MAP4K3: variants seen among roughly 807,000 people sequenced by gnomAD.
MAP4K3 encodes MAPK/ERK kinase kinase kinase 3.
Under a neutral mutation model 143.5 loss-of-function variants are expected in MAP4K3, and 94 were observed. That is an observed-to-expected ratio of 0.65 (90% confidence interval 0.55 to 0.78). The LOEUF (loss-of-function observed/expected upper bound fraction) is 0.78, where lower values mean the gene tolerates loss of function less well. Ranked by LOEUF, MAP4K3 falls within the 30% of genes least tolerant of loss-of-function variation. The pLI is 0.00. For missense variants in MAP4K3, 1,077 were observed against 1,068.1 expected (o/e 1.01, Z -0.12); for synonymous variants, 416 against 347.2 (o/e 1.20, Z -2.20).
chr2:39,417,179 A>T (rs866371205), intron 1 of MAP4K3, among the ~76,000 whole-genome samples: 11 of 152,094 alleles, frequency 7.2e-5, no homozygotes, highest in Non-Finnish European at 7.4e-5. Flanking sequence ...GCAAATTCAT[A>T]AATGGATACC....
chr2:39,291,172 A>G (rs1044610820), intron 18 of MAP4K3, among the ~76,000 whole-genome samples: 4 of 152,246 alleles, frequency 2.6e-5, no homozygotes, highest in African/African-American at 9.6e-5. Flanking sequence ...GTTTGAGATG[A>G]TGGATATGCT....
chr2:39,306,123 C>T (rs1682697154), intron 15 of MAP4K3, among the ~76,000 whole-genome samples: 1 of 152,072 alleles, frequency 6.6e-6, no homozygotes, highest in African/African-American at 2.4e-5. Context: ...CCACCGTGCC[C>T]GGCTGAGTAT....
At chr2:39,348,077 A>C (rs1057432117) in intron 3 of MAP4K3, among the ~76,000 whole-genome samples, 1 of 152,106 alleles carries the variant, frequency 6.6e-6, no homozygotes, top group Non-Finnish European at 1.5e-5. Flanking sequence ...GTTTCTAAAA[A>C]TTTAAGGTGT....
At chr2:39,257,271 A>T (rs1680377577) in intron 31 of MAP4K3, among the ~76,000 whole-genome samples, 1 of 152,118 alleles carries the variant, frequency 6.6e-6, no homozygotes, top group Non-Finnish European at 1.5e-5. Flanking sequence ...ATTTTTCCTG[A>T]ATGTAGTCAT....
chr2:39,420,342 TATTTC>T (rs1268369944), intron 1 of MAP4K3, among the ~76,000 whole-genome samples: 2 of 152,252 alleles, frequency 1.3e-5, no homozygotes, highest in East Asian at 1.9e-4. Context: ...TTTTATATTT[TATTTC>T]ATTTATTTGC....
chr2:39,400,035 C>T (rs1666911908), intron 1 of MAP4K3, among the ~76,000 whole-genome samples: 1 of 152,110 alleles, frequency 6.6e-6, no homozygotes, highest in Non-Finnish European at 1.5e-5. Flanking sequence ...CCCATATAAC[C>T]AACTAGACAA....
intron 3 of MAP4K3, among the ~76,000 whole-genome samples, chr2:39,351,304 C>T (rs544268381): frequency 1.9e-4 from 29 of 152,324 alleles, no homozygotes; most frequent in Non-Finnish European, 3.8e-4. Context: ...TAAATATCTA[C>T]CAATCTTTTA....
At chr2:39,399,173 C>T (rs1283850913) in intron 1 of MAP4K3, among the ~76,000 whole-genome samples, 1 of 151,762 alleles carries the variant, frequency 6.6e-6, no homozygotes, top group Non-Finnish European at 1.5e-5. Flanking sequence ...GCTTTGAAAA[C>T]GTATGTTGTA....
At chr2:39,373,094 G>GA (rs764414821) in intron 2 of MAP4K3, among the ~76,000 whole-genome samples, 1 of 152,042 alleles carries the variant, frequency 6.6e-6, no homozygotes, top group South Asian at 2.1e-4. Flanking sequence ...CTCCACTGGG[G>GA]AAAAAAACCC....
Position 39,309,497 on chromosome 2 carries a change from T to C in MAP4K3, c.1020A>G (p.Pro340=), listed in dbSNP as rs1393269188. 3 of 1,589,756 alleles carry C rather than the reference T, an allele frequency of 1.9e-6. No homozygotes were observed. The highest frequency in any genetic ancestry group is 2.6e-6 in the Non-Finnish European group (3 of 1,171,448). Residue 340 remains proline (P), a synonymous_variant, in exon 14 of 34, where the codon CCA becomes CCG. Transcript: ENST00000263881. The part of the protein sequence containing the change: ...EITFGQVKFD[P]PLRKETEPHH... ...GTGGTTCTGTCTCCTTTCTTAAGGG[T>C]GGATCAAATTTCACTTGGCCAACTA...
intron 1 of MAP4K3, among the ~76,000 whole-genome samples, chr2:39,379,276 TAACTCTAAG>T (rs747579769): frequency 5.3e-5 from 8 of 152,072 alleles, no homozygotes; most frequent in Non-Finnish European, 1.0e-4. Context: ...TTTAACCATT[TAACTCTAAG>T]AAGAACAAAG....
intron 2 of MAP4K3, 90 bp from the exon 3 acceptor site, chr2:39,356,429 T>C (rs1430344245): frequency 7.1e-6 from 5 of 704,566 alleles, no homozygotes; most frequent in South Asian, 1.7e-5. Context: ...TTATACGTAT[T>C]AATAAGTATA....
At chr2:39,308,624 A>T (rs887398235) in intron 14 of MAP4K3, among the ~76,000 whole-genome samples, 2 of 152,330 alleles carry the variant, frequency 1.3e-5, no homozygotes, top group South Asian at 4.1e-4. Context: ...TTTCTTTAGA[A>T]TTTTGTATTT....
chr2:39,343,349 T>C (rs1665194545), intron 4 of MAP4K3, 39 bp downstream of exon 4: 5 of 1,398,838 alleles, frequency 3.6e-6, no homozygotes, highest in Non-Finnish European at 5.0e-6. Flanking sequence ...TTTTAAGAAA[T>C]TCAACCTAAC....
intron 1 of MAP4K3, among the ~76,000 whole-genome samples, chr2:39,406,404 A>C (rs944327793): frequency 3.9e-5 from 6 of 152,208 alleles, no homozygotes; most frequent in African/African-American, 1.4e-4. Flanking sequence ...CAGCAGATTT[A>C]ACCCAAAGAA....
At chr2:39,255,297 CAT>C (rs1680300686) in intron 31 of MAP4K3, among the ~76,000 whole-genome samples, 1 of 152,138 alleles carries the variant, frequency 6.6e-6, no homozygotes, top group African/African-American at 2.4e-5. Context: ...GGTAGACACC[CAT>C]AGATAGAATT....
chr2:39,435,954 T>C (rs1396512167), intron 1 of MAP4K3, among the ~76,000 whole-genome samples: 1 of 152,222 alleles, frequency 6.6e-6, no homozygotes, highest in African/African-American at 2.4e-5. Context: ...GACTGAACTT[T>C]CCAATGCAAA....
chr2:39,338,973 T>C (rs1370177109), intron 4 of MAP4K3, among the ~76,000 whole-genome samples: 2 of 152,230 alleles, frequency 1.3e-5, no homozygotes, highest in East Asian at 1.9e-4. Flanking sequence ...CATTTTGTTA[T>C]AGCAGCACAA....
At chr2:39,257,417 T>C (rs1412810044) in intron 31 of MAP4K3, among the ~76,000 whole-genome samples, 1 of 152,166 alleles carries the variant, frequency 6.6e-6, no homozygotes, top group African/African-American at 2.4e-5. Flanking sequence ...CATAATCTGG[T>C]ATACTGAGTA....
Sources: allele counts gnomAD v4.1 joint callset (sites outside exome capture counted in the v4.1 genomes callset), GRCh38; gene constraint gnomAD v4.1.1; transcripts MANE v1.5; gene names NCBI Gene and HGNC (gene_info 2026-07-23, HGNC 2026-07-21).